CNTN1: variants seen among roughly 807,000 people sequenced by gnomAD.
CNTN1 encodes contactin 1.
In CNTN1, 38 loss-of-function variants were observed where a neutral mutation model predicts 126.4. That is an observed-to-expected ratio of 0.30 (90% CI 0.23 to 0.39). The LOEUF (loss-of-function observed/expected upper bound fraction) is 0.39, where lower values mean the gene tolerates loss of function less well. CNTN1 is among the 10% of genes least tolerant of loss of function. The pLI, the probability that CNTN1 is intolerant of heterozygous loss-of-function variation, is 1.00. For synonymous variants in CNTN1, 413 were observed against 422.6 expected (o/e 0.98, Z 0.28); for missense variants, 1,009 against 1,248.4 (o/e 0.81, Z 2.89).
At chr12:40,984,226 GTTAAT>G (rs1308918185) in intron 16 of CNTN1, among the ~76,000 whole-genome samples, 1 of 151,556 alleles carries the variant, frequency 6.6e-6, no homozygotes, top group African/African-American at 2.4e-5. Flanking sequence ...ATTATCCTTT[GTTAAT>G]TTGTCTGTTA....
chr12:40,724,065 T>A (rs1261140577), intron 1 of CNTN1, among the ~76,000 whole-genome samples: 1 of 152,204 alleles, frequency 6.6e-6, no homozygotes, highest in South Asian at 2.1e-4. Flanking sequence ...ATTCCTTGTA[T>A]GTTGAGGCTG....
At chr12:41,019,070 C>A (rs1346206389) in intron 19 of CNTN1, among the ~76,000 whole-genome samples, 3 of 152,162 alleles carry the variant, frequency 2.0e-5, no homozygotes, top group African/African-American at 7.2e-5. Flanking sequence ...GCAGGAGAAT[C>A]ACTTGAACCT....
At chr12:40,780,950 G>A (rs1939774188) in intron 1 of CNTN1, among the ~76,000 whole-genome samples, 1 of 151,060 alleles carries the variant, frequency 6.6e-6, no homozygotes, top group Admixed American at 6.6e-5. Context: ...AGGGTGATAT[G>A]ACTCATTAAT....
intron 1 of CNTN1, among the ~76,000 whole-genome samples, chr12:40,877,021 G>C (rs1357868521): frequency 6.6e-6 from 1 of 152,046 alleles, no homozygotes; most frequent in Non-Finnish European, 1.5e-5. Context: ...TTAATCACTT[G>C]GTTTTGAGCT....
At chr12:40,747,569 A>AT (rs1382478576) in intron 1 of CNTN1, among the ~76,000 whole-genome samples, 1 of 152,062 alleles carries the variant, frequency 6.6e-6, no homozygotes, top group Non-Finnish European at 1.5e-5. Context: ...CCACTAGTGG[A>AT]TTTTAAGTGG....
intron 1 of CNTN1, among the ~76,000 whole-genome samples, chr12:40,771,300 A>G (rs953363006): frequency 6.6e-6 from 1 of 152,090 alleles, no homozygotes; most frequent in Non-Finnish European, 1.5e-5. Flanking sequence ...TCTTTTCTTC[A>G]TATCAGTCTG....
chr12:40,872,786 T>A (rs1010357906), intron 1 of CNTN1, among the ~76,000 whole-genome samples: 3 of 151,960 alleles, frequency 2.0e-5, no homozygotes, highest in African/African-American at 7.3e-5. Flanking sequence ...GGTCTCGAAC[T>A]CCTGACCTTG....
intron 16 of CNTN1, among the ~76,000 whole-genome samples, chr12:40,982,688 G>A (rs770827962): frequency 2.0e-5 from 3 of 152,032 alleles, no homozygotes; most frequent in Admixed American, 2.0e-4. Context: ...GTGAGTAGCA[G>A]TGAACATAAT....
chr12:40,922,359 A>C lies in CNTN1; in HGVS notation c.331A>C (p.Ile111Leu). The C allele has an allele frequency of 6.2e-7, 1 of 1,614,042 alleles. No individual in the cohort carries two copies. Among genetic ancestry groups the C allele is most frequent in the Non-Finnish European group, 8.5e-7 (1 of 1,179,912 alleles). ...NNPDKQKDAG[I>L]YYCLASNNYG... The stretch of plus-strand genomic sequence containing the variant: ...CCCTGACAAACAGAAAGATGCTGGA[A>C]TATACTACTGTTTAGCATCTAATAA... The change falls in exon 5 of 24, where the codon ATA becomes CTA. Residue 111 changes from isoleucine to leucine, a missense_variant. Coordinates refer to ENST00000551295, the MANE Select transcript of CNTN1 (RefSeq NM_001843.4).
chr12:41,060,997 C>A (rs1479037014), intron 23 of CNTN1, among the ~76,000 whole-genome samples: 1 of 152,126 alleles, frequency 6.6e-6, no homozygotes, highest in Non-Finnish European at 1.5e-5. Flanking sequence ...CCCAATTTTA[C>A]AAATAAGTAA....
At chr12:40,797,013 C>A (rs1940463665) in intron 1 of CNTN1, among the ~76,000 whole-genome samples, 2 of 152,044 alleles carry the variant, frequency 1.3e-5, no homozygotes, top group African/African-American at 4.8e-5. Context: ...TAGTTCAACC[C>A]TCTCACAGTT....
chr12:40,706,439 A>T (rs533568470), intron 1 of CNTN1, among the ~76,000 whole-genome samples: 4 of 152,072 alleles, frequency 2.6e-5, no homozygotes. Context: ...TGTATCTTGT[A>T]TAAACTTCTC....
At chr12:40,877,051 GC>G (rs1383659934) in intron 1 of CNTN1, among the ~76,000 whole-genome samples, 2 of 151,994 alleles carry the variant, frequency 1.3e-5, no homozygotes, top group African/African-American at 4.8e-5. Flanking sequence ...ACTGAATTTC[GC>G]CAAAATAATT....
intron 1 of CNTN1, among the ~76,000 whole-genome samples, chr12:40,741,990 A>C (rs1259926680): frequency 6.6e-6 from 1 of 151,968 alleles, no homozygotes; most frequent in East Asian, 1.9e-4. Flanking sequence ...AAAAAGTCTA[A>C]GCTTTCAAAA....
chr12:41,048,308 T>A (rs978298996), intron 23 of CNTN1, among the ~76,000 whole-genome samples: 4 of 152,168 alleles, frequency 2.6e-5, no homozygotes, highest in African/African-American at 9.6e-5. Context: ...CCTAGAAACC[T>A]ATTTCACACC....
At chr12:40,730,204 C>T (rs1484408945) in intron 1 of CNTN1, among the ~76,000 whole-genome samples, 1 of 152,204 alleles carries the variant, frequency 6.6e-6, no homozygotes, top group Non-Finnish European at 1.5e-5. Flanking sequence ...TAGCCATGCT[C>T]CCAGTGGTGG....
chr12:41,064,854 ATTT>A (rs1008012378), intron 23 of CNTN1, among the ~76,000 whole-genome samples: 1 of 151,684 alleles, frequency 6.6e-6, no homozygotes, highest in South Asian at 2.1e-4. Flanking sequence ...AAAAGGTTTA[ATTT>A]TTTTTTAATT....
chr12:40,991,990 C>T (rs55739824), intron 16 of CNTN1, among the ~76,000 whole-genome samples: 357 of 152,174 alleles, frequency 2.3e-3, no homozygotes, highest in Middle Eastern at 6.8e-3. Flanking sequence ...AAACAGTTTC[C>T]GATTTGGTGT....
intron 1 of CNTN1, among the ~76,000 whole-genome samples, chr12:40,834,865 C>T (rs1439441035): frequency 6.6e-6 from 1 of 151,990 alleles, no homozygotes; most frequent in Non-Finnish European, 1.5e-5. Context: ...AAGATGCTTA[C>T]CACTAAATAA....
Sources: allele counts gnomAD v4.1 joint callset (sites outside exome capture counted in the v4.1 genomes callset), GRCh38; gene constraint gnomAD v4.1.1; transcripts MANE v1.5; gene names NCBI Gene and HGNC (gene_info 2026-07-23, HGNC 2026-07-21).